The following LIPI variants were observed in gnomAD, a reference collection of about 807,000 sequenced individuals.
LIPI encodes lipase member I.
Under a neutral mutation model 50.6 loss-of-function variants are expected in LIPI, and 59 were observed. The ratio of observed to expected loss-of-function variants is 1.16; its 90% confidence interval spans 0.94 to 1.45. The LOEUF is 1.45. Among genes scored for constraint, LIPI ranks in the 40% most tolerant of loss-of-function variants. The probability of loss-of-function intolerance (pLI) is 0.00; values close to 1 mark genes in which losing one functional copy is unlikely to be tolerated. For missense variants in LIPI, 586 were observed against 536.3 expected (o/e 1.09, Z -0.92); for synonymous variants, 203 against 178.2 (o/e 1.14, Z -1.11).
Position 14,206,829 on chromosome 21 carries a change from A to T in LIPI, c.46+3971T>A, listed in dbSNP as rs753759376. 4.4e-6 allele frequency: 7 copies of T among 1,605,864 alleles called. No homozygotes were observed. In the South Asian group the frequency reaches 7.7e-5, roughly 18 times the overall value. On this transcript the variant is annotated intron_variant, in intron 1 of 9. Coordinates refer to ENST00000681601, the MANE Select transcript of LIPI (RefSeq NM_001302998.2). ...AAAGAGATTACCTGATCTCAGGCAC[A>T]CAACTAGAAGCCACAGGACATTTCT...
At chr21:14,175,339 T>C (rs981925346) in intron 4 of LIPI, among the ~76,000 whole-genome samples, 3 of 152,200 alleles carry the variant, frequency 2.0e-5, no homozygotes, top group African/African-American at 7.2e-5. Flanking sequence ...TTTTAATTTA[T>C]ATTTTTTTCT....
chr21:14,118,281 T>A (rs1395024429), intron 9 of LIPI, among the ~76,000 whole-genome samples: 1 of 152,068 alleles, frequency 6.6e-6, no homozygotes, highest in Non-Finnish European at 1.5e-5. Context: ...AGTAGGGCGC[T>A]GAAAAATAGA....
chr21:14,202,098 T>A (rs555228963), intron 1 of LIPI, among the ~76,000 whole-genome samples: 1 of 152,190 alleles, frequency 6.6e-6, no homozygotes, highest in African/African-American at 2.4e-5. Flanking sequence ...TCAAAGAGAA[T>A]AAAATGCCTA....
chr21:14,173,014 C>A (rs1236983868), intron 4 of LIPI, among the ~76,000 whole-genome samples: 1 of 152,188 alleles, frequency 6.6e-6, no homozygotes, highest in African/African-American at 2.4e-5. Flanking sequence ...TTAAGTAGAA[C>A]AAGAGGACAG....
intron 4 of LIPI, among the ~76,000 whole-genome samples, chr21:14,172,981 A>ATAATAAG (rs2018973157): frequency 6.6e-6 from 1 of 152,206 alleles, no homozygotes; most frequent in Non-Finnish European, 1.5e-5. Flanking sequence ...ATGTGAAATA[A>ATAATAAG]TAATAAGTGC....
chr21:14,119,306 T>C (rs1600829332), intron 9 of LIPI, among the ~76,000 whole-genome samples: 1 of 152,328 alleles, frequency 6.6e-6, no homozygotes, highest in Admixed American at 6.5e-5. Flanking sequence ...AAGGAATGTA[T>C]GCAAGGAACA....
intron 7 of LIPI, among the ~76,000 whole-genome samples, chr21:14,156,377 G>T (rs2018270411): frequency 6.6e-6 from 1 of 151,688 alleles, no homozygotes; most frequent in African/African-American, 2.4e-5. Flanking sequence ...GGGTCAAAAT[G>T]ATATAATATG....
intron 7 of LIPI, 46 bp from the exon 8 acceptor site, chr21:14,152,730 T>G (rs1253254006): frequency 1.0e-6 from 1 of 969,480 alleles, no homozygotes; most frequent in Admixed American, 1.9e-5. Context: ...TTTTTTAATT[T>G]TTGGTTTTGG....
At chr21:14,144,305 T>C (rs2017821686) in intron 9 of LIPI, 1 of 199,066 alleles carries the variant, frequency 5.0e-6, no homozygotes, top group Admixed American at 5.4e-5. Flanking sequence ...ACCAGTCTGT[T>C]AATATGTATG....
intron 4 of LIPI, among the ~76,000 whole-genome samples, chr21:14,180,077 T>C (rs1437460681): frequency 3.9e-5 from 6 of 152,138 alleles, no homozygotes; most frequent in Non-Finnish European, 8.8e-5. Context: ...ATGGCCGCTC[T>C]GGGAATGTCT....
intron 9 of LIPI, among the ~76,000 whole-genome samples, chr21:14,114,119 A>C (rs2123305155): frequency 6.6e-6 from 1 of 152,066 alleles, no homozygotes. Context: ...CAGAGGTTGC[A>C]GCAAGCCAAG....
At chr21:14,114,761 C>T (rs532784852) in intron 9 of LIPI, among the ~76,000 whole-genome samples, 1 of 152,186 alleles carries the variant, frequency 6.6e-6, no homozygotes, top group East Asian at 1.9e-4. Context: ...ACCCACAGGT[C>T]CAAGAAAGCC....
intron 9 of LIPI, among the ~76,000 whole-genome samples, chr21:14,141,020 T>A (rs1183282349): frequency 6.6e-6 from 1 of 152,190 alleles, no homozygotes; most frequent in Non-Finnish European, 1.5e-5. Flanking sequence ...TTTGAATATT[T>A]GCAGAATTCT....
chr21:14,132,791 A>C (rs2123005399), intron 9 of LIPI, among the ~76,000 whole-genome samples: 1 of 152,248 alleles, frequency 6.6e-6, no homozygotes, highest in East Asian at 1.9e-4. Flanking sequence ...ATCCAAATAA[A>C]CACAATCTGT....
chr21:14,163,704 CA>C (rs35782677), intron 6 of LIPI, among the ~76,000 whole-genome samples, 181 bp from the exon 7 acceptor site: 40,691 of 151,724 alleles, frequency 0.27, 5,657 homozygotes, highest in Middle Eastern at 0.35. Context: ...ATTACAATAA[CA>C]ACTCTTAAAT....
chr21:14,138,136 C>T (rs930497026), intron 9 of LIPI, among the ~76,000 whole-genome samples: 4 of 151,968 alleles, frequency 2.6e-5, no homozygotes, highest in African/African-American at 9.7e-5. Context: ...CACTAATAGC[C>T]CAGACTTCAC....
intron 9 of LIPI, among the ~76,000 whole-genome samples, chr21:14,131,300 T>C (rs534384014): frequency 6.6e-6 from 1 of 152,210 alleles, no homozygotes; most frequent in African/African-American, 2.4e-5. Context: ...GTATAGGCTG[T>C]TCTGGGGCCT....
intron 8 of LIPI, among the ~76,000 whole-genome samples, chr21:14,152,067 CTTATTTTAT>C (rs1178126188): frequency 6.9e-6 from 1 of 144,666 alleles, no homozygotes; most frequent in Non-Finnish European, 1.5e-5. Context: ...TACTCTTTAA[CTTATTTTAT>C]TTATTTATTT....
intron 1 of LIPI, among the ~76,000 whole-genome samples, chr21:14,198,918 C>T (rs2019955338): frequency 6.6e-6 from 1 of 152,038 alleles, no homozygotes; most frequent in Non-Finnish European, 1.5e-5. Flanking sequence ...TCTCTCATAC[C>T]ACAGTGTAAT....
Sources: allele counts gnomAD v4.1 joint callset (sites outside exome capture counted in the v4.1 genomes callset), GRCh38; gene constraint gnomAD v4.1.1; transcripts MANE v1.5; gene names NCBI Gene and HGNC (gene_info 2026-07-23, HGNC 2026-07-21).